SMARCAD1: variants seen among roughly 807,000 people sequenced by gnomAD.
SMARCAD1 encodes the protein SWI/SNF-related matrix-associated actin-dependent regulator of chromatin subfamily A containing DEAD/H box 1.
SMARCAD1 carries 25 observed loss-of-function variants against 127.1 expected under a neutral mutation model. The ratio of observed to expected loss-of-function variants is 0.20; its 90% confidence interval spans 0.14 to 0.27. The LOEUF is 0.27. Ranked by LOEUF, SMARCAD1 falls within the 10% of genes least tolerant of loss-of-function variation. SMARCAD1 has a pLI of 1.00. For synonymous variants in SMARCAD1, 400 were observed against 396.9 expected, an observed-to-expected ratio of 1.01 and a Z score of -0.09; for missense variants, 807 against 1,206.0, an observed-to-expected ratio of 0.67 and a Z score of 4.90.
chr4:94,257,750 A>G (rs1750327843), intron 9 of SMARCAD1, among the ~76,000 whole-genome samples: 1 of 151,926 alleles, frequency 6.6e-6, no homozygotes, highest in Admixed American at 6.6e-5. Flanking sequence ...AACTTCTTTC[A>G]TGACTTTTTG....
At position 94,277,019 on chromosome 4, in the gene SMARCAD1, C is replaced by T. The variant is rs767696757; in HGVS notation, c.1945-3C>T. 2.3e-5 allele frequency: 37 copies of T among 1,613,864 alleles called. No homozygotes were observed. Among genetic ancestry groups the T allele is most frequent in the Non-Finnish European group, 2.8e-5 (33 of 1,179,948 alleles). On this transcript the variant is annotated splice_polypyrimidine_tract_variant and splice_region_variant and intron_variant, in intron 15 of 23. Transcript: ENST00000354268. ...CTAATATAAATTTTACCTTCATTCACAGGCAAATAACCGTTTGCTGCTCAC... is the reference window on the plus strand; with the variant it reads ...CTAATATAAATTTTACCTTCATTCATAGGCAAATAACCGTTTGCTGCTCAC...
chr4:94,268,199 A>G (rs903123510), intron 10 of SMARCAD1, among the ~76,000 whole-genome samples: 1 of 152,198 alleles, frequency 6.6e-6, no homozygotes, highest in African/African-American at 2.4e-5. Flanking sequence ...ACACCTTACC[A>G]TAATTTGTCA....
chr4:94,242,260 G>A (rs983893651), intron 6 of SMARCAD1, among the ~76,000 whole-genome samples: 3 of 151,684 alleles, frequency 2.0e-5, no homozygotes, highest in Non-Finnish European at 4.4e-5. Flanking sequence ...GGCCAGGCTG[G>A]TCTCGAACTC....
At chr4:94,242,810 G>A (rs972538195) in intron 6 of SMARCAD1, among the ~76,000 whole-genome samples, 8 of 151,734 alleles carry the variant, frequency 5.3e-5, no homozygotes, top group South Asian at 4.2e-4. Context: ...TCAGCTACCC[G>A]GAGGCTAAGG....
At chr4:94,287,048 T>G (rs528310621) in intron 23 of SMARCAD1, among the ~76,000 whole-genome samples, 32 of 152,294 alleles carry the variant, frequency 2.1e-4, no homozygotes, top group African/African-American at 6.0e-4. Flanking sequence ...GTATTTTTAG[T>G]AGAGACGGGG....
At position 94,274,754 on chromosome 4, in the gene SMARCAD1, A is replaced by G; in HGVS notation, c.1689A>G (p.Glu563=). 6.2e-7 allele frequency: 1 copy of G among 1,613,884 alleles called. No individual in the cohort carries two copies. Among genetic ancestry groups the G allele is most frequent in the Non-Finnish European group, 8.5e-7 (1 of 1,179,768 alleles). Reference sequence around the variant, plus strand: ...GTTCCATAGATAACTGGTTAAGGGAAGTTAATTTATGGTGCCCTACTTTGA... The same window carrying G: ...GTTCCATAGATAACTGGTTAAGGGAGGTTAATTTATGGTGCCCTACTTTGA... ...PASTIDNWLR[E]VNLWCPTLKV... is the part of the protein sequence containing the mutation. The change falls in exon 13 of 24, where the codon GAA becomes GAG. Residue 563 remains glutamate (E), a synonymous_variant. Transcript: ENST00000354268.
intron 10 of SMARCAD1, among the ~76,000 whole-genome samples, chr4:94,269,377 C>T (rs1752201865): frequency 6.6e-6 from 1 of 152,082 alleles, no homozygotes; most frequent in African/African-American, 2.4e-5. Flanking sequence ...CCTATGTTTT[C>T]ACATTAATGT....
In SMARCAD1 at chr4:94,208,408, A is replaced by G. The variant is rs1281392142; in HGVS notation, c.14A>G (p.Asn5Ser). The G allele has an allele frequency of 1.2e-6, 2 of 1,614,004 alleles. No individual in the cohort carries two copies. The highest frequency in any genetic ancestry group is 1.7e-6 in the Non-Finnish European group (2 of 1,180,046). ...CTTTCTACCAATATGAATCTTTTCAACCTGGACCGTTTTCGCTTTGAGAAA... is the reference window on the plus strand; with the variant it reads ...CTTTCTACCAATATGAATCTTTTCAGCCTGGACCGTTTTCGCTTTGAGAAA... Reference protein sequence around the residue: MNLFNLDRFRFEKRN... With the variant: MNLFSLDRFRFEKRN... Residue 5 changes from asparagine to serine, a missense_variant, in exon 2 of 24, where the codon AAC becomes AGC. Asn to Ser is a conservative substitution (Grantham distance 46). Transcript: ENST00000354268.
intron 9 of SMARCAD1, among the ~76,000 whole-genome samples, chr4:94,254,480 A>G (rs1749754628): frequency 6.6e-6 from 1 of 152,204 alleles, no homozygotes; most frequent in Non-Finnish European, 1.5e-5. Context: ...CAATTTTACC[A>G]GAGGTATATG....
In SMARCAD1 at chr4:94,264,751, A is replaced by G; in HGVS notation, c.1326A>G (p.Ile442Met). Residue 442 changes from isoleucine to methionine, a missense_variant, in exon 10 of 24, where the codon ATA becomes ATG. By Grantham distance (10) the Ile-to-Met change is conservative. This residue lies in a region of SMARCAD1 where 257 missense variants were observed against 303.4 expected (regional missense o/e 0.85). Transcript: ENST00000354268. ...CTAATGGCTTATCAGAAGATTTGAT[A>G]TGGCACTGTAAAACACTGATCCAAG... ...SKTNGLSEDLIWHCKTLIQER... is the reference protein window; with the variant it reads ...SKTNGLSEDLMWHCKTLIQER... 1 of 1,612,342 alleles carries G rather than the reference A, an allele frequency of 6.2e-7. No homozygotes were observed. Among genetic ancestry groups the G allele is most frequent in the Non-Finnish European group, 8.5e-7 (1 of 1,179,020 alleles).
At chr4:94,243,847 T>C (rs190750651) in intron 6 of SMARCAD1, among the ~76,000 whole-genome samples, 1 of 152,316 alleles carries the variant, frequency 6.6e-6, no homozygotes, top group Admixed American at 6.5e-5. Context: ...AAGCACTCAT[T>C]CAACATCTCA....
At chr4:94,239,998 C>T (rs1417288699) in intron 5 of SMARCAD1, among the ~76,000 whole-genome samples, 1 of 152,134 alleles carries the variant, frequency 6.6e-6, no homozygotes, top group Non-Finnish European at 1.5e-5. Context: ...TTTGTAGTGA[C>T]ACAAATACTC....
intron 9 of SMARCAD1, among the ~76,000 whole-genome samples, chr4:94,255,676 A>G (rs1163805884): frequency 6.6e-6 from 1 of 151,988 alleles, no homozygotes; most frequent in East Asian, 1.9e-4. Context: ...TTTGTCAGAT[A>G]ATTATGCTTT....
intron 2 of SMARCAD1, 28 bp downstream of exon 2, chr4:94,208,612 A>G: frequency 6.3e-7 from 1 of 1,597,786 alleles, no homozygotes; most frequent in Non-Finnish European, 8.6e-7. Context: ...AATTGATGTA[A>G]CATCAAGGAC....
At chr4:94,263,587 A>G (rs1751328642) in intron 9 of SMARCAD1, among the ~76,000 whole-genome samples, 1 of 152,010 alleles carries the variant, frequency 6.6e-6, no homozygotes, top group Non-Finnish European at 1.5e-5. Flanking sequence ...TATAAACTGT[A>G]TTTTATTTAG....
chr4:94,214,895 T>G (rs1210285801), intron 2 of SMARCAD1, among the ~76,000 whole-genome samples: 1 of 152,210 alleles, frequency 6.6e-6, no homozygotes, highest in East Asian at 1.9e-4. Flanking sequence ...TGTTGATAAG[T>G]GAGAGACATT....
At chr4:94,274,604 A>T in intron 12 of SMARCAD1, 134 bp from the exon 13 acceptor site, 2 of 864,732 alleles carry the variant, frequency 2.3e-6, no homozygotes, top group Non-Finnish European at 1.9e-6. Context: ...GGCATGAGCC[A>T]CCTTGCTGGG....
chr4:94,257,254 A>C (rs1750242360), intron 9 of SMARCAD1, among the ~76,000 whole-genome samples: 1 of 152,194 alleles, frequency 6.6e-6, no homozygotes, highest in African/African-American at 2.4e-5. Context: ...CCTAAAATTG[A>C]AACAGCATGT....
At chr4:94,223,970 A>T (rs1744600498) in intron 2 of SMARCAD1, among the ~76,000 whole-genome samples, 1 of 152,072 alleles carries the variant, frequency 6.6e-6, no homozygotes, top group Non-Finnish European at 1.5e-5. Context: ...CATTTTTAAT[A>T]CAGTAAAGAT....
Sources: gnomAD v4.1 joint callset for allele counts (sites outside exome capture counted in the v4.1 genomes callset) on GRCh38, gnomAD v4.1.1 for gene constraint, gnomAD v4.1.1 regional missense constraint, MANE v1.5 for transcripts, NCBI Gene and HGNC (gene_info 2026-07-23, HGNC 2026-07-21) for gene names.